The following UPRT variants were observed in gnomAD, a reference collection of about 807,000 sequenced individuals.
UPRT encodes the protein uracil phosphoribosyltransferase homolog.
A neutral mutation model predicts 22.6 loss-of-function variants in UPRT; 5 were observed. The ratio of observed to expected loss-of-function variants is 0.22; its 90% CI spans 0.12 to 0.47. The LOEUF is 0.47. Ranked by LOEUF, UPRT falls within the 20% of genes least tolerant of loss-of-function variation. The pLI is 0.99. For synonymous variants in UPRT, 77 were observed against 87.7 expected (o/e 0.88, Z 0.68); for missense variants, 181 against 239.9 (o/e 0.75, Z 1.62).
At position 75,250,390 on chromosome X, in the gene UPRT, T is replaced by C. The variant is rs951567010; in HGVS notation, c.-446-40634T>C. Among the ~76,000 whole-genome samples the C allele has an allele frequency of 1.5e-4, 17 of 110,615 alleles. No individual in the cohort carries two copies. The Middle Eastern group carries it at 0.019, about 122-fold the overall frequency. On this transcript the variant is annotated intron_variant, in intron 4 of 13. Transcript: ENST00000652605. ...GTAATAAAGGGGATATCACCACCGA[T>C]CCCACAGAAATACAAACTACCATGA...
chrX:75,195,137 G>A (rs2082329338), intron 4 of UPRT, among the ~76,000 whole-genome samples: 1 of 112,335 alleles, frequency 8.9e-6, no homozygotes, highest in South Asian at 3.7e-4. Flanking sequence ...AAGTGGCATG[G>A]GGGATGGTGT....
intron 4 of UPRT, among the ~76,000 whole-genome samples, chrX:75,245,014 C>T (rs1484385274): frequency 1.8e-5 from 2 of 110,324 alleles, no homozygotes; most frequent in African/African-American, 6.6e-5. Flanking sequence ...AAAGCATTTG[C>T]AAACTATACA....
At chrX:75,251,311 C>T (rs1244129926) in intron 4 of UPRT, among the ~76,000 whole-genome samples, 2 of 111,447 alleles carry the variant, frequency 1.8e-5, no homozygotes, top group Admixed American at 9.6e-5. Context: ...ATCTAGAAAA[C>T]CCGATCGTCT....
intron 4 of UPRT, among the ~76,000 whole-genome samples, chrX:75,233,032 C>T (rs1034885379): frequency 1.8e-5 from 2 of 111,360 alleles, no homozygotes; most frequent in Admixed American, 1.9e-4. Context: ...AAGTTGAAAA[C>T]TTTGAAAAAA....
chrX:75,249,593 T>A (rs1602473228), intron 4 of UPRT, among the ~76,000 whole-genome samples: 1 of 110,887 alleles, frequency 9.0e-6, no homozygotes, highest in Non-Finnish European at 1.9e-5. Context: ...AGACTTAGAC[T>A]CCCACACAAT....
chrX:75,214,172 A>G (rs2082386705), intron 4 of UPRT, among the ~76,000 whole-genome samples: 1 of 112,730 alleles, frequency 8.9e-6, no homozygotes, highest in Admixed American at 9.4e-5. Flanking sequence ...TAATAACAGA[A>G]AGATAGCTGG....
intron 4 of UPRT, among the ~76,000 whole-genome samples, chrX:75,187,391 C>T (rs900182338): frequency 6.3e-5 from 7 of 111,541 alleles, no homozygotes; most frequent in East Asian, 2.8e-4. Flanking sequence ...CCGAGAGATC[C>T]GCTGTTAGTC....
At chrX:75,295,194 G>C (rs1283864377) in intron 2 of UPRT, among the ~76,000 whole-genome samples, 1 of 110,043 alleles carries the variant, frequency 9.1e-6, no homozygotes, top group Non-Finnish European at 1.9e-5. Flanking sequence ...GTCAGGGTTG[G>C]CTTCCTTGGC....
At chrX:75,204,921 G>T (rs1453810619) in intron 4 of UPRT, among the ~76,000 whole-genome samples, 1 of 110,842 alleles carries the variant, frequency 9.0e-6, no homozygotes, top group South Asian at 3.9e-4. Context: ...GTATCCCACG[G>T]ACAAAGAGGA....
rs776780008 is a variant in UPRT, at chrX:75,196,037, G to A, written c.-447+28158G>A. Among the ~76,000 whole-genome samples, 6 of 111,489 alleles carry A rather than the reference G, an allele frequency of 5.4e-5. No homozygotes were observed. In the South Asian group the frequency reaches 1.5e-3, roughly 28 times the overall value. On this transcript the variant is annotated intron_variant, in intron 4 of 13. Coordinates refer to the UPRT transcript ENST00000652605. ...TGTATATTTTAGGATTAGCTTTTCCGTACTGAAAAAAAAAGTCGTTGGAAT... is the reference window on the plus strand; with the variant it reads ...TGTATATTTTAGGATTAGCTTTTCCATACTGAAAAAAAAAGTCGTTGGAAT...
chrX:75,175,573 G>T (rs1291511737), intron 4 of UPRT, among the ~76,000 whole-genome samples: 1 of 111,840 alleles, frequency 8.9e-6, no homozygotes, highest in Admixed American at 9.4e-5. Context: ...ACATGAGCTG[G>T]CGCTTGCCCC....
chrX:75,271,200 T>G (rs766570313), upstream of UPRT, among the ~76,000 whole-genome samples: 2 of 111,844 alleles, frequency 1.8e-5, no homozygotes, highest in Non-Finnish European at 3.8e-5. Context: ...ATAGCCCATA[T>G]AGCCAAAAAG....
intron 4 of UPRT, among the ~76,000 whole-genome samples, chrX:75,262,611 A>AAAAC (rs911930688): frequency 1.2e-4 from 13 of 111,337 alleles, no homozygotes; most frequent in Non-Finnish European, 9.4e-5. Flanking sequence ...AATGGAAAGC[A>AAAAC]AAACAAACAA....
At chrX:75,268,188 C>A (rs1264723482) in intron 4 of UPRT, among the ~76,000 whole-genome samples, 1 of 111,311 alleles carries the variant, frequency 9.0e-6, no homozygotes, top group Non-Finnish European at 1.9e-5. Flanking sequence ...GACAGATACA[C>A]CTTCCCAAGT....
At chrX:75,272,347 C>CAT (rs745924274), upstream of UPRT, among the ~76,000 whole-genome samples, 46 of 81,377 alleles carry the variant, frequency 5.7e-4, no homozygotes, top group Middle Eastern at 5.8e-3. Context: ...TATATATACA[C>CAT]ATATATATAT....
chrX:75,244,051 A>G (rs1212680734), intron 4 of UPRT, among the ~76,000 whole-genome samples: 1 of 111,630 alleles, frequency 9.0e-6, no homozygotes, highest in Non-Finnish European at 1.9e-5. Context: ...AATTCTTATC[A>G]TCCAATCCAA....
chrX:75,211,998 C>A (rs1302670454), intron 4 of UPRT, among the ~76,000 whole-genome samples: 3 of 111,351 alleles, frequency 2.7e-5, no homozygotes, highest in Admixed American at 9.6e-5. Context: ...ATAACCTGTT[C>A]ATAGGATGAG....
chrX:75,248,789 A>C (rs866370277), intron 4 of UPRT, among the ~76,000 whole-genome samples: 6 of 112,018 alleles, frequency 5.4e-5, no homozygotes, highest in African/African-American at 1.9e-4. Flanking sequence ...GAATGAAAAA[A>C]TGTTAAGGGC....
intron 4 of UPRT, among the ~76,000 whole-genome samples, chrX:75,203,512 A>T (rs5981803): frequency 0.021 from 1,550 of 74,549 alleles, 18 homozygotes; most frequent in East Asian, 0.038. Flanking sequence ...ACACACACAC[A>T]CACTCACACA....
Sources: gnomAD v4.1 joint callset for allele counts (sites outside exome capture counted in the v4.1 genomes callset) on GRCh38, gnomAD v4.1.1 for gene constraint, MANE v1.5 for transcripts, NCBI Gene and HGNC (gene_info 2026-07-23, HGNC 2026-07-21) for gene names.